KCND3: variants seen among roughly 807,000 people sequenced by gnomAD.
KCND3 encodes the protein potassium voltage-gated channel subfamily D member 3.
In KCND3, 9 loss-of-function variants were observed where a neutral mutation model predicts 51.1. That is an observed-to-expected ratio of 0.18 (90% CI 0.11 to 0.31). The LOEUF is 0.31. Among genes scored for constraint, KCND3 ranks in the 10% least tolerant of loss-of-function variants. The pLI is 1.00. For missense variants in KCND3, 526 were observed against 903.8 expected (o/e 0.58, Z 5.36); for synonymous variants, 349 against 368.0 (o/e 0.95, Z 0.59).
At position 111,772,429 on chromosome 1, in the gene KCND3, C is replaced by G. The variant is rs1472422060; in HGVS notation, c.*3648G>C. On this transcript the variant is annotated 3_prime_UTR_variant, in exon 8 of 8. Transcript: ENST00000302127. Reference sequence around the variant, plus strand: ...AAGGGCTGTGTCCAAGTAGTATTGACATATACGTATTGACATATAAGACTA... The same window carrying G: ...AAGGGCTGTGTCCAAGTAGTATTGAGATATACGTATTGACATATAAGACTA... The G allele has an allele frequency of 1.3e-5, 2 of 152,192 alleles. No individual in the cohort carries two copies. The highest frequency in any genetic ancestry group is 2.9e-5 in the Non-Finnish European group (2 of 68,040). 9.4% of individuals were successfully genotyped at this position (152,192 alleles called of 1,614,324 possible).
chr1:111,869,921 G>A (rs947834214), intron 2 of KCND3, among the ~76,000 whole-genome samples: 12 of 135,734 alleles, frequency 8.8e-5, no homozygotes, highest in African/African-American at 1.8e-4. Context: ...ACACACACAC[G>A]TACAGACACA....
intron 2 of KCND3, among the ~76,000 whole-genome samples, chr1:111,854,464 T>C (rs1462632874): frequency 3.3e-5 from 5 of 152,042 alleles, no homozygotes; most frequent in African/African-American, 4.8e-5. Context: ...TTAGCCTAGA[T>C]AGGGACTTTG....
chr1:111,810,038 C>T (rs1424820907), intron 2 of KCND3, among the ~76,000 whole-genome samples: 1 of 152,200 alleles, frequency 6.6e-6, no homozygotes, highest in Non-Finnish European at 1.5e-5. Context: ...CCAATGTGGA[C>T]AGGATATTAC....
Position 111,981,629 on chromosome 1 carries a change from G to A in KCND3, c.1098C>T (p.Thr366=). The change falls in exon 2 of 8, where the codon ACC becomes ACT. Residue 366 remains threonine (T), a synonymous_variant. Transcript: ENST00000302127. This position sits in a 1 kb window ranked among gnomAD's most constrained non-coding sequence, Gnocchi z 6.2. ...CACCAGCGCTGACTTACCCCAGTGTGGTCATGGTGACAATGGTGTACCAAA... is the reference window on the plus strand; with the variant it reads ...CACCAGCGCTGACTTACCCCAGTGTAGTCATGGTGACAATGGTGTACCAAA... ...ASFWYTIVTM[T]TLGYGDMVPK... is the part of the protein sequence containing the mutation. The A allele has an allele frequency of 1.9e-6, 3 of 1,614,130 alleles. No homozygotes were observed. The highest frequency in any genetic ancestry group is 2.5e-6 in the Non-Finnish European group (3 of 1,180,018).
chr1:111,901,116 C>G (rs1571823800), intron 2 of KCND3, among the ~76,000 whole-genome samples: 1 of 152,246 alleles, frequency 6.6e-6, no homozygotes, highest in East Asian at 1.9e-4. Flanking sequence ...TAGCTATTAT[C>G]CAGGAGCAAA....
intron 2 of KCND3, among the ~76,000 whole-genome samples, chr1:111,897,511 G>A (rs1033999466): frequency 2.0e-5 from 3 of 152,232 alleles, no homozygotes; most frequent in Non-Finnish European, 2.9e-5. Flanking sequence ...TGGACAGCTC[G>A]GTGTGTGGCG....
intron 2 of KCND3, chr1:111,910,032 T>C (rs1670856988): frequency 6.6e-6 from 1 of 152,216 alleles, no homozygotes; most frequent in East Asian, 1.9e-4. Flanking sequence ...GCAGCAGGAA[T>C]AAATTTTCAG....
At chr1:111,802,869 T>A (rs1012883225) in intron 2 of KCND3, among the ~76,000 whole-genome samples, 9 of 152,168 alleles carry the variant, frequency 5.9e-5, no homozygotes, top group African/African-American at 2.2e-4. Flanking sequence ...CTGGGCTCCA[T>A]GCTTCTGGGT....
intron 2 of KCND3, among the ~76,000 whole-genome samples, chr1:111,977,800 C>T (rs1373586721): frequency 1.3e-5 from 2 of 152,214 alleles, no homozygotes; most frequent in African/African-American, 4.8e-5. Context: ...GGGAAATCTG[C>T]TTTGAGAGAG....
chr1:111,814,359 T>C (rs1327002498), intron 2 of KCND3, among the ~76,000 whole-genome samples: 7 of 152,172 alleles, frequency 4.6e-5, no homozygotes, highest in Non-Finnish European at 8.8e-5. Context: ...GCTGCCAATC[T>C]TGGGGACATC....
intron 2 of KCND3, among the ~76,000 whole-genome samples, chr1:111,811,625 G>A (rs572411442): frequency 4.6e-5 from 7 of 152,228 alleles, no homozygotes; most frequent in South Asian, 2.1e-4. Context: ...AGGCAAATGC[G>A]CTCTTCGGAT....
chr1:111,903,802 G>A (rs1341550019), intron 2 of KCND3, among the ~76,000 whole-genome samples: 1 of 152,178 alleles, frequency 6.6e-6, no homozygotes, highest in Non-Finnish European at 1.5e-5. Flanking sequence ...ATGCTGATTT[G>A]CATGAGTCTC....
rs554650178 is a variant in KCND3, at chr1:111,827,289, A to G, written c.1107-40183T>C. Among the ~76,000 whole-genome samples, 8 of 152,370 alleles carry G rather than the reference A, an allele frequency of 5.3e-5. No homozygotes were observed. In the South Asian group the frequency reaches 1.2e-3, roughly 24 times the overall value. ...AGTGAAAGCAGAGACAGGAAATACA[A>G]GTGCCAAGAGGAGAGGTAAGGCAGC... On this transcript the variant is annotated intron_variant, in intron 2 of 7. Coordinates refer to ENST00000302127, the MANE Select transcript of KCND3 (RefSeq NM_001378969.1).
intron 2 of KCND3, among the ~76,000 whole-genome samples, chr1:111,822,083 CT>C (rs11291205): frequency 0.55 from 80,234 of 146,758 alleles, 24,054 homozygotes; most frequent in Non-Finnish European, 0.68. Flanking sequence ...AGCAGTCTTT[CT>C]TTTTTTTTTT....
At chr1:111,817,412 AC>A (rs998908963) in intron 2 of KCND3, among the ~76,000 whole-genome samples, 4 of 152,200 alleles carry the variant, frequency 2.6e-5, no homozygotes, top group Admixed American at 6.5e-5. Context: ...CAATAATTTC[AC>A]CTGAGTGTCA....
At chr1:111,949,098 G>GA (rs936495183) in intron 2 of KCND3, among the ~76,000 whole-genome samples, 1 of 152,192 alleles carries the variant, frequency 6.6e-6, no homozygotes, top group African/African-American at 2.4e-5. Flanking sequence ...CAACTGGGCT[G>GA]AAGGGCTGGT....
chr1:111,856,873 G>A (rs188751594), intron 2 of KCND3: 3 of 152,306 alleles, frequency 2.0e-5, no homozygotes, highest in Non-Finnish European at 4.4e-5. Flanking sequence ...GGCAGGAAGA[G>A]GGGGAGGGCC....
At chr1:111,965,950 C>G (rs1170310173) in intron 2 of KCND3, among the ~76,000 whole-genome samples, 1 of 152,158 alleles carries the variant, frequency 6.6e-6, no homozygotes, top group Non-Finnish European at 1.5e-5. Flanking sequence ...ATTGCCCCGG[C>G]TTTGGGGAGC....
Position 111,987,960 on chromosome 1 carries a change from T to C in KCND3, c.-73+1545A>G, listed in dbSNP as rs183257855. Among the ~76,000 whole-genome samples, 50 of 152,280 alleles carry C rather than the reference T, an allele frequency of 3.3e-4. 1 individual carries two copies. In the East Asian group the frequency reaches 9.1e-3, roughly 28 times the overall value. Reference sequence around the variant, plus strand: ...TTTTCCCCTGCTGTAAAAAGTCAGTTACTCCATTAAACAGCTTCTATTTTG... The same window carrying C: ...TTTTCCCCTGCTGTAAAAAGTCAGTCACTCCATTAAACAGCTTCTATTTTG... On this transcript the variant is annotated intron_variant, in intron 1 of 7. Transcript: ENST00000302127.
Sources: allele counts gnomAD v4.1 joint callset (sites outside exome capture counted in the v4.1 genomes callset), GRCh38; gene constraint gnomAD v4.1.1; non-coding constraint Gnocchi (gnomAD v3.1); transcripts MANE v1.5; gene names NCBI Gene and HGNC (gene_info 2026-07-23, HGNC 2026-07-21).